Variants in AMDHD2 observed in about 807,000 individuals in gnomAD.
AMDHD2 encodes the protein N-acetylglucosamine-6-phosphate deacetylase.
AMDHD2 carries 24 observed loss-of-function variants against 41.8 expected under a neutral mutation model. The ratio of observed to expected loss-of-function variants is 0.57; its 90% CI spans 0.42 to 0.81. The LOEUF (loss-of-function observed/expected upper bound fraction) is 0.81, where lower values mean the gene tolerates loss of function less well. Among genes scored for constraint, AMDHD2 ranks in the 30% least tolerant of loss-of-function variants. The probability of loss-of-function intolerance (pLI) is 0.00; values close to 1 mark genes in which losing one functional copy is unlikely to be tolerated. For synonymous variants in AMDHD2, 332 were observed against 255.5 expected (o/e 1.30, Z -2.85); for missense variants, 540 against 588.5 (o/e 0.92, Z 0.85).
In AMDHD2 at chr16:2,520,388, G is replaced by C; in HGVS notation, c.-71G>C. On this transcript the variant is annotated 5_prime_UTR_variant, in exon 1 of 11. Coordinates refer to ENST00000293971, the MANE Select transcript of AMDHD2 (RefSeq NM_001330449.2). ...TGGGCGCGGTCTCAGCTCTCGGCTG[G>C]GGTTCGTCACTGGGCGCGGGATTTG... 8.5e-7 allele frequency: 1 copy of C among 1,175,226 alleles called. No homozygotes were observed. The highest frequency in any genetic ancestry group is 1.6e-5 in the African/African-American group (1 of 62,812). The allele number at this position is 1,175,226 out of a possible 1,614,324, so 72.8% of individuals were successfully genotyped here.
At position 2,529,528 on chromosome 16, in the gene AMDHD2, G is replaced by C; in HGVS notation, c.1195G>C (p.Glu399Gln). 6.2e-7 allele frequency: 1 copy of C among 1,611,976 alleles called. No individual in the cohort carries two copies. The highest frequency in any genetic ancestry group is 2.2e-5 in the East Asian group (1 of 44,890). Residue 399 changes from glutamate to glutamine, a missense_variant, in exon 11 of 11, where the codon GAG (glutamate) becomes CAG (glutamine). Coordinates refer to ENST00000293971, the MANE Select transcript of AMDHD2 (RefSeq NM_001330449.2). ...CGTCCAGGCCACCTACATCTCGGGTGAGCTGGTGTGGCAGGCGGACGCAGC... is the reference window on the plus strand; with the variant it reads ...CGTCCAGGCCACCTACATCTCGGGTCAGCTGGTGTGGCAGGCGGACGCAGC... Reference protein sequence around the residue: ...LHVQATYISGELVWQADAARQ With the variant: ...LHVQATYISGQLVWQADAARQ
intron 3 of AMDHD2, 125 bp downstream of exon 3, chr16:2,521,248 T>G: frequency 7.9e-7 from 1 of 1,258,220 alleles, no homozygotes; most frequent in South Asian, 1.7e-5. Flanking sequence ...TGGCCTCCTT[T>G]GATGACCGGA....
rs1192683887 is a variant in AMDHD2 at position 2,529,974 on chromosome 16, C to T, written c.*411C>T. The T allele has an allele frequency of 1.8e-5, 14 of 757,958 alleles. No individual in the cohort carries two copies. Among genetic ancestry groups the T allele is most frequent in the Non-Finnish European group, 2.4e-5 (12 of 492,802 alleles). The allele number at this position is 757,958 out of a possible 1,614,324, so 47.0% of individuals were successfully genotyped here. A position where few individuals can be genotyped will look rare whatever the true frequency, so the allele number is the denominator to read the frequency against. Reference sequence around the variant, plus strand: ...TGGCTGGTGCCATGGGGTGAAGCCACCATGGGCTGGGGGTGAAGAGCCGGC... The same window carrying T: ...TGGCTGGTGCCATGGGGTGAAGCCATCATGGGCTGGGGGTGAAGAGCCGGC... On this transcript the variant is annotated 3_prime_UTR_variant, in exon 11 of 11. Transcript: ENST00000293971.
Position 2,520,496 on chromosome 16 carries a change from T to C in AMDHD2, c.38T>C (p.Leu13Pro). The change falls in exon 1 of 11, where the codon CTC becomes CCC. Residue 13 changes from leucine to proline, a missense_variant. Physicochemically the swap from Leu to Pro is moderately conservative, Grantham distance 98. Coordinates refer to ENST00000293971, the MANE Select transcript of AMDHD2 (RefSeq NM_001330449.2). ...CAGGGCGCGGCGGGGGCCCGCGTGC[T>C]CCAGTTCACTAACTGCCGGATCCTG... Reference protein sequence around the residue: ...GEQGAAGARVLQFTNCRILRG... With the variant: ...GEQGAAGARVPQFTNCRILRG... The C allele has an allele frequency of 8.2e-7, 1 of 1,225,720 alleles. No homozygotes were observed. 75.9% of individuals were successfully genotyped at this position (1,225,720 alleles called of 1,614,324 possible).
intron 3 of AMDHD2, among the ~76,000 whole-genome samples, chr16:2,525,098 C>T (rs1168425343): frequency 6.6e-6 from 1 of 151,876 alleles, no homozygotes; most frequent in African/African-American, 2.4e-5. Flanking sequence ...CCTCTGTCAC[C>T]CAGGCTGGAG....
At chr16:2,524,865 T>C (rs2065983811) in intron 3 of AMDHD2, among the ~76,000 whole-genome samples, 1 of 151,944 alleles carries the variant, frequency 6.6e-6, no homozygotes, top group African/African-American at 2.4e-5. Context: ...TCATCTTTCC[T>C]GGTAGTTCCC....
chr16:2,525,619 A>G (rs532673795), intron 3 of AMDHD2, among the ~76,000 whole-genome samples: 13 of 152,202 alleles, frequency 8.5e-5, no homozygotes, highest in Middle Eastern at 3.4e-3. Flanking sequence ...ATCTCGGCTC[A>G]CTGCAAGCTC....
In AMDHD2 at chr16:2,527,685, C is replaced by A. The variant is rs1485934459; in HGVS notation, c.415+70C>A. 6.4e-7 allele frequency: 1 copy of A among 1,564,658 alleles called. No individual in the cohort carries two copies. Among genetic ancestry groups the A allele is most frequent in the Non-Finnish European group, 8.7e-7 (1 of 1,154,094 alleles). Reference sequence around the variant, plus strand: ...GCGGGACCTGTTGGCAGCCCCCACCCCTCCAGATGCCCAGCTGGTGGGGAG... The same window carrying A: ...GCGGGACCTGTTGGCAGCCCCCACCACTCCAGATGCCCAGCTGGTGGGGAG... On this transcript the variant is annotated intron_variant, in intron 4 of 10. Coordinates refer to ENST00000293971, the MANE Select transcript of AMDHD2 (RefSeq NM_001330449.2). This position sits in a 1 kb window ranked among gnomAD's most constrained non-coding sequence, Gnocchi z 6.1.
chr16:2,520,967 C>G lies in AMDHD2; in HGVS notation c.221-17C>G. ...AGCTCTGAGCTCCATGCGACACTTC[C>G]TTTTCTGTGGCTGCAGGTGGATTTG... On this transcript the variant is annotated splice_polypyrimidine_tract_variant and intron_variant, in intron 2 of 10. Transcript: ENST00000293971. 1 of 1,597,458 alleles carries G rather than the reference C, an allele frequency of 6.3e-7. No individual in the cohort carries two copies. Among genetic ancestry groups the G allele is most frequent in the Non-Finnish European group, 8.6e-7 (1 of 1,168,408 alleles).
Position 2,531,291 on chromosome 16 carries a change from G to A in AMDHD2, c.*1728G>A, listed in dbSNP as rs572274636. On this transcript the variant is annotated 3_prime_UTR_variant, in exon 11 of 11. Transcript: ENST00000293971. ...GGTGGGAGAGGGGCCCAGGGTCAGG[G>A]TGAGAGAGAGCTGGGCCAGGGAGCT... 1.8e-4 allele frequency: 103 copies of A among 588,338 alleles called. 1 individual carries two copies. Among genetic ancestry groups the A allele is most frequent in the African/African-American group, 1.7e-3 (90 of 53,846 alleles). The allele number at this position is 588,338 out of a possible 1,614,324, so 36.4% of individuals were successfully genotyped here.
chr16:2,525,208 C>T (rs534107026), intron 3 of AMDHD2, among the ~76,000 whole-genome samples: 5 of 151,826 alleles, frequency 3.3e-5, no homozygotes, highest in East Asian at 1.9e-4. Flanking sequence ...AAGCACCTGC[C>T]GCCATGCCCT....
chr16:2,527,830 C>A lies in AMDHD2; in HGVS notation c.473C>A (p.Ala158Asp), dbSNP rs1439549648. The change falls in exon 5 of 11, where the codon GCC becomes GAC. Residue 158 changes from alanine (A) to aspartate (D), a missense_variant. Coordinates refer to ENST00000293971, the MANE Select transcript of AMDHD2 (RefSeq NM_001330449.2). The surrounding 1 kb of genome is among the most constrained non-coding windows in gnomAD (Gnocchi z 6.1). ...SREKRGAHPE[A>D]HLRSFEADAF... Reference sequence around the variant, plus strand: ...GAGAAGCGGGGCGCGCACCCCGAGGCCCACCTCCGCTCCTTCGAGGCCGAT... The same window carrying A: ...GAGAAGCGGGGCGCGCACCCCGAGGACCACCTCCGCTCCTTCGAGGCCGAT... The A allele has an allele frequency of 1.9e-6, 3 of 1,594,658 alleles. No homozygotes were observed. The highest frequency in any genetic ancestry group is 2.7e-5 in the African/African-American group (2 of 74,838).
chr16:2,525,299 CCAA>C (rs2065989200), intron 3 of AMDHD2, among the ~76,000 whole-genome samples: 1 of 151,406 alleles, frequency 6.6e-6, no homozygotes, highest in African/African-American at 2.4e-5. Flanking sequence ...CTCAGGTGAT[CCAA>C]CTGCCTTGGC....
chr16:2,523,922 G>A (rs2065972238), intron 3 of AMDHD2, among the ~76,000 whole-genome samples: 1 of 152,230 alleles, frequency 6.6e-6, no homozygotes, highest in East Asian at 1.9e-4. Flanking sequence ...GCCCCCCACT[G>A]CCTGCGCATC....
chr16:2,529,207 T>C (rs2066051145), intron 10 of AMDHD2, 112 bp downstream of exon 10: 1 of 1,167,552 alleles, frequency 8.6e-7, no homozygotes, highest in Non-Finnish European at 1.2e-6. Context: ...AGCTCCCTCC[T>C]CTCAGGTGGG....
At position 2,529,673 on chromosome 16, in the gene AMDHD2, C is replaced by G. The variant is rs1432693418; in HGVS notation, c.*110C>G. On this transcript the variant is annotated 3_prime_UTR_variant, in exon 11 of 11. Coordinates refer to ENST00000293971, the MANE Select transcript of AMDHD2 (RefSeq NM_001330449.2). ...GTCGGGAGCCCTGCTGGATTGATGC[C>G]CAGGGCCTGTGCGGCCGCCCTGGAG... 6 of 1,547,476 alleles carry G rather than the reference C, an allele frequency of 3.9e-6. No homozygotes were observed. Among genetic ancestry groups the G allele is most frequent in the South Asian group, 2.3e-5 (2 of 86,166 alleles).
At chr16:2,525,101 G>A (rs547398997) in intron 3 of AMDHD2, among the ~76,000 whole-genome samples, 8 of 151,882 alleles carry the variant, frequency 5.3e-5, no homozygotes, top group Non-Finnish European at 8.8e-5. Flanking sequence ...CTGTCACCCA[G>A]GCTGGAGTGC....
chr16:2,528,521 A>G lies in AMDHD2; in HGVS notation c.932A>G (p.Gln311Arg). Residue 311 changes from glutamine to arginine, a missense_variant, in exon 8 of 11, where the codon CAG becomes CGG. By Grantham distance (43) the Gln-to-Arg change is conservative (BLOSUM62 1). Coordinates refer to ENST00000293971, the MANE Select transcript of AMDHD2 (RefSeq NM_001330449.2). The stretch of plus-strand genomic sequence containing the variant: ...AACGGCCGGCACACGCTGGGACAGC[A>G]GGAAGTGGAAGTGGACGGTCTGACG... ...LGNGRHTLGQ[Q>R]EVEVDGLTAY... 2 of 1,612,834 alleles carry G rather than the reference A, an allele frequency of 1.2e-6. No individual in the cohort carries two copies. The highest frequency in any genetic ancestry group is 1.7e-6 in the Non-Finnish European group (2 of 1,179,912).
At position 2,530,612 on chromosome 16, in the gene AMDHD2, C is replaced by T. The variant is rs757979830; in HGVS notation, c.*1049C>T. 2.5e-6 allele frequency: 4 copies of T among 1,614,198 alleles called. No homozygotes were observed. Among genetic ancestry groups the T allele is most frequent in the Non-Finnish European group, 3.4e-6 (4 of 1,180,028 alleles). ...CTGTCCTGGGCACAGGAGGTACGCG[C>T]CTGGCTCTGCCACTGTTCTCTTCCC... On this transcript the variant is annotated 3_prime_UTR_variant, in exon 11 of 11. Coordinates refer to ENST00000293971, the MANE Select transcript of AMDHD2 (RefSeq NM_001330449.2).
Sources: gnomAD v4.1 joint callset for allele counts (sites outside exome capture counted in the v4.1 genomes callset) on GRCh38, gnomAD v4.1.1 for gene constraint, Gnocchi (gnomAD v3.1) non-coding constraint, MANE v1.5 for transcripts, NCBI Gene and HGNC (gene_info 2026-07-23, HGNC 2026-07-21) for gene names.